The following SH3YL1 variants were observed in gnomAD, a reference collection of about 807,000 sequenced individuals.
SH3YL1 encodes SH3 and SYLF domain containing 1, also known as SH3 domain-containing YSC84-like protein 1.
SH3YL1 carries 41 observed loss-of-function variants against 45.8 expected under a neutral mutation model. The ratio of observed to expected loss-of-function variants is 0.89; its 90% CI spans 0.70 to 1.16. The LOEUF (loss-of-function observed/expected upper bound fraction) is 1.16, where lower values mean the gene tolerates loss of function less well. SH3YL1 is among the 50% of genes most tolerant of loss of function. The probability of loss-of-function intolerance (pLI) is 0.00; values close to 1 mark genes in which losing one functional copy is unlikely to be tolerated. For synonymous variants in SH3YL1, 152 were observed against 151.4 expected, an observed-to-expected ratio of 1.00 and a Z score of -0.03; for missense variants, 389 against 409.6, an observed-to-expected ratio of 0.95 and a Z score of 0.43.
Position 218,704 on chromosome 2 carries a change from A to T in SH3YL1, c.*107T>A. On this transcript the variant is annotated 3_prime_UTR_variant, in exon 10 of 10. Transcript: ENST00000356150. The stretch of plus-strand genomic sequence containing the variant: ...TTTACATACGGAATGGAAATTTTGT[A>T]GAACAGAAGTTTTTTAAAATTTATA... 2.1e-6 allele frequency: 2 copies of T among 966,888 alleles called. No homozygotes were observed. The highest frequency in any genetic ancestry group is 3.0e-6 in the Non-Finnish European group (2 of 676,882). The allele number at this position is 966,888 out of a possible 1,614,324, so 59.9% of individuals were successfully genotyped here.
At chr2:234,387 C>A in intron 4 of SH3YL1, 115 bp from the exon 5 acceptor site, 1 of 687,416 alleles carries the variant, frequency 1.5e-6, no homozygotes, top group South Asian at 2.0e-5. Context: ...TCAATAGAGA[C>A]AGGAAAGAAC....
chr2:230,966 G>A, intron 7 of SH3YL1, 57 bp downstream of exon 7: 1 of 1,550,168 alleles, frequency 6.5e-7, no homozygotes, highest in South Asian at 1.1e-5. Flanking sequence ...GGGACAGAAT[G>A]TTCTACAGAA....
intron 1 of SH3YL1, among the ~76,000 whole-genome samples, chr2:257,242 C>A (rs1343959601): frequency 6.6e-6 from 1 of 152,082 alleles, no homozygotes; most frequent in African/African-American, 2.4e-5. Context: ...TTAAGTAGGT[C>A]CCATTTGTCA....
intron 1 of SH3YL1, among the ~76,000 whole-genome samples, chr2:256,850 TATAAGAGTTCTGGTTATTC>T (rs1431436377): frequency 6.6e-6 from 1 of 152,232 alleles, no homozygotes; most frequent in East Asian, 1.9e-4. Flanking sequence ...CAGAAACTTT[TATAAGAGTTCTGGTTATTC>T]CATATCCTCA....
chr2:226,496 A>G (rs1415943754), intron 8 of SH3YL1, among the ~76,000 whole-genome samples: 1 of 152,254 alleles, frequency 6.6e-6, no homozygotes, highest in Non-Finnish European at 1.5e-5. Context: ...AGATGTGACA[A>G]GCCTTGACTG....
intron 8 of SH3YL1, among the ~76,000 whole-genome samples, chr2:227,606 C>T (rs973689397): frequency 1.3e-5 from 2 of 151,984 alleles, no homozygotes; most frequent in Non-Finnish European, 2.9e-5. Flanking sequence ...TAGTAAAGCA[C>T]GTATAAGATG....
intron 8 of SH3YL1, among the ~76,000 whole-genome samples, chr2:228,979 T>C (rs1469899262): frequency 3.3e-5 from 5 of 152,326 alleles, no homozygotes; most frequent in African/African-American, 1.2e-4. Context: ...TGTTTCTACA[T>C]GTAATCTCTC....
upstream of SH3YL1, chr2:264,795 C>A (rs142474493): frequency 1.2e-3 from 864 of 709,476 alleles, 4 homozygotes; most frequent in Non-Finnish European, 1.6e-3. Flanking sequence ...CATAGGACCG[C>A]CTCCGCAGGC....
upstream of SH3YL1, chr2:264,066 G>T (rs1043419720): frequency 2.2e-6 from 3 of 1,350,804 alleles, no homozygotes; most frequent in African/African-American, 3.1e-5. Flanking sequence ...GGACAAGGAG[G>T]CCCCAGCGAG....
At chr2:233,311 C>A in intron 5 of SH3YL1, 82 bp from the exon 6 acceptor site, 1 of 1,315,580 alleles carries the variant, frequency 7.6e-7, no homozygotes, top group Non-Finnish European at 9.9e-7. Context: ...CTCCTTCTAG[C>A]TCAAATGAAT....
intron 8 of SH3YL1, among the ~76,000 whole-genome samples, chr2:225,822 C>G (rs1667765375): frequency 6.6e-6 from 1 of 152,042 alleles, no homozygotes; most frequent in African/African-American, 2.4e-5. Context: ...TACTTGGGAA[C>G]AAATTTAACA....
chr2:224,937 G>A lies in SH3YL1; in HGVS notation c.782-17C>T, dbSNP rs1157958024. ...TTCTGTTACCTGCCAAAAAAGAGGA[G>A]AGTGGTGATTTTGAAAACTGATTAG... On this transcript the variant is annotated splice_polypyrimidine_tract_variant and intron_variant, in intron 8 of 9. Coordinates refer to ENST00000356150, the MANE Select transcript of SH3YL1 (RefSeq NM_015677.4). 1.2e-6 allele frequency: 2 copies of A among 1,604,988 alleles called. No homozygotes were observed. Among genetic ancestry groups the A allele is most frequent in the Admixed American group, 1.7e-5 (1 of 59,892 alleles).
intron 1 of SH3YL1, chr2:260,217 C>T (rs1302930070): frequency 1.3e-5 from 2 of 152,124 alleles, no homozygotes; most frequent in Non-Finnish European, 2.9e-5. Context: ...GCTCTAGATG[C>T]TCAATATGTT....
intron 8 of SH3YL1, among the ~76,000 whole-genome samples, chr2:226,455 A>G (rs1667789053): frequency 2.0e-5 from 3 of 152,232 alleles, no homozygotes. Flanking sequence ...TACATTCACT[A>G]ATAGGAATAA....
intron 4 of SH3YL1, among the ~76,000 whole-genome samples, chr2:244,941 G>A (rs999896573): frequency 3.3e-5 from 5 of 152,090 alleles, no homozygotes; most frequent in African/African-American, 7.2e-5. Flanking sequence ...CAGGAAGGAC[G>A]TGTCTACCCT....
intron 9 of SH3YL1, among the ~76,000 whole-genome samples, chr2:224,026 T>C (rs980273705): frequency 2.0e-5 from 3 of 152,238 alleles, no homozygotes; most frequent in Non-Finnish European, 4.4e-5. Flanking sequence ...TTTTAAAATA[T>C]GCTTGAGTAC....
At chr2:226,949 A>C (rs1667808308) in intron 8 of SH3YL1, among the ~76,000 whole-genome samples, 1 of 152,152 alleles carries the variant, frequency 6.6e-6, no homozygotes, top group African/African-American at 2.4e-5. Flanking sequence ...ACCATGGTGA[A>C]AAATGCACAT....
At chr2:228,913 G>C (rs1164776864) in intron 8 of SH3YL1, among the ~76,000 whole-genome samples, 1 of 152,148 alleles carries the variant, frequency 6.6e-6, no homozygotes, top group Non-Finnish European at 1.5e-5. Flanking sequence ...CTTCTGCAGA[G>C]CTTTACTATT....
At position 249,598 on chromosome 2, in the gene SH3YL1, G is replaced by A. The variant is rs80190766; in HGVS notation, c.226+133C>T. ...CTGACACCAAACTGCACGTTCAGTC[G>A]AGTAGCCCTTATTACATAAGTTTTA... On this transcript the variant is annotated intron_variant, in intron 3 of 9. Coordinates refer to ENST00000356150, the MANE Select transcript of SH3YL1 (RefSeq NM_015677.4). 611 of 647,878 alleles carry A rather than the reference G, an allele frequency of 9.4e-4. 5 individuals carry two copies. In the East Asian group the frequency reaches 0.014, roughly 15 times the overall value. 40.1% of individuals were successfully genotyped at this position (647,878 alleles called of 1,614,324 possible).
Sources: allele counts gnomAD v4.1 joint callset (sites outside exome capture counted in the v4.1 genomes callset), GRCh38; gene constraint gnomAD v4.1.1; transcripts MANE v1.5; gene names NCBI Gene and HGNC (gene_info 2026-07-23, HGNC 2026-07-21).